Variants in GALNT5 observed in about 807,000 individuals in gnomAD.
GALNT5 encodes polypeptide N-acetylgalactosaminyltransferase 5.
A neutral mutation model predicts 85.4 loss-of-function variants in GALNT5; 72 were observed. The observed-to-expected ratio is 0.84, with a 90% CI of 0.70 to 1.03. The LOEUF is 1.03. Among genes scored for constraint, GALNT5 ranks in the 50% least tolerant of loss-of-function variants. The pLI is 0.00. For missense variants in GALNT5, 1,137 were observed against 1,135.5 expected (o/e 1.00, Z -0.02); for synonymous variants, 404 against 397.0 (o/e 1.02, Z -0.21).
rs772928823 is a variant in GALNT5, at chr2:157,258,570, C to T, written c.488C>T (p.Thr163Met). The change falls in exon 1 of 10, where the codon ACG becomes ATG. Residue 163 changes from threonine (T) to methionine (M), a missense_variant. By Grantham distance (81) the Thr-to-Met change is moderately conservative (BLOSUM62 -1). Transcript: ENST00000259056. ...ASSHQGTPKQ[T>M]TAQGAPKTSF... is the part of the protein sequence containing the mutation. Reference sequence around the variant, plus strand: ...TCTCACCAGGGGACACCAAAGCAAACGACAGCTCAGGGGGCTCCAAAGACC... The same window carrying T: ...TCTCACCAGGGGACACCAAAGCAAATGACAGCTCAGGGGGCTCCAAAGACC... The T allele has an allele frequency of 9.9e-6, 16 of 1,613,144 alleles. No individual in the cohort carries two copies. The highest frequency in any genetic ancestry group is 5.0e-5 in the Admixed American group (3 of 59,892).
At chr2:157,294,415 G>A (rs1251971672) in intron 3 of GALNT5, among the ~76,000 whole-genome samples, 2 of 152,232 alleles carry the variant, frequency 1.3e-5, no homozygotes, top group African/African-American at 2.4e-5. Context: ...AAGGCTAGGA[G>A]TGGGAAAGCA....
chr2:157,301,877 G>A (rs1683350760), intron 7 of GALNT5, among the ~76,000 whole-genome samples: 1 of 152,198 alleles, frequency 6.6e-6, no homozygotes. Context: ...AAGGGAAGAA[G>A]CTAAGCCAGA....
intron 1 of GALNT5, among the ~76,000 whole-genome samples, chr2:157,272,494 A>T (rs1682611971): frequency 6.6e-6 from 1 of 152,148 alleles, no homozygotes; most frequent in Non-Finnish European, 1.5e-5. Context: ...TGAGCATAGT[A>T]CTCAACAGTT....
In GALNT5 at chr2:157,307,420, A is replaced by C. The variant is rs188715763; in HGVS notation, c.2521-1147A>C. Among the ~76,000 whole-genome samples, 215 of 152,338 alleles carry C rather than the reference A, an allele frequency of 1.4e-3. 2 individuals carry two copies. Among genetic ancestry groups the C allele is most frequent in the African/African-American group, 4.9e-3 (203 of 41,586 alleles). On this transcript the variant is annotated intron_variant, in intron 8 of 9. Coordinates refer to ENST00000259056, the MANE Select transcript of GALNT5 (RefSeq NM_014568.3). ...AAGTTTCCTTAGTTATTAACCTTTAAAGCAGTTGAAACGTATTTTTTCAAG... is the reference window on the plus strand; with the variant it reads ...AAGTTTCCTTAGTTATTAACCTTTACAGCAGTTGAAACGTATTTTTTCAAG...
chr2:157,261,996 GAA>G (rs1682351774), intron 1 of GALNT5, among the ~76,000 whole-genome samples: 1 of 151,908 alleles, frequency 6.6e-6, no homozygotes, highest in Non-Finnish European at 1.5e-5. Flanking sequence ...GTGTGTGAAA[GAA>G]AGAGAGAGAG....
intron 1 of GALNT5, among the ~76,000 whole-genome samples, chr2:157,277,894 T>C (rs548428292): frequency 1.3e-5 from 2 of 152,360 alleles, no homozygotes; most frequent in South Asian, 4.1e-4. Flanking sequence ...TGCCCATTAA[T>C]TGATGCAGTT....
chr2:157,317,362 T>C lies in GALNT5; in HGVS notation c.*6014T>C, dbSNP rs149532892. On this transcript the variant is annotated 3_prime_UTR_variant, in exon 10 of 10. Coordinates refer to ENST00000259056, the MANE Select transcript of GALNT5 (RefSeq NM_014568.3). Reference sequence around the variant, plus strand: ...AAGTATCTCAAGTGAACTTACACTCTGGATACCATTTTCCAAACTTGAAGG... The same window carrying C: ...AAGTATCTCAAGTGAACTTACACTCCGGATACCATTTTCCAAACTTGAAGG... Among the ~76,000 whole-genome samples, 122 of 152,202 alleles carry C rather than the reference T, an allele frequency of 8.0e-4. 2 individuals are homozygous for C. The East Asian group carries it at 0.016, about 20-fold the overall frequency.
Position 157,311,207 on chromosome 2 carries a change from G to A in GALNT5, c.2683-1G>A, listed in dbSNP as rs1400840287. On this transcript the variant is annotated splice_acceptor_variant, in intron 9 of 9. Coordinates refer to ENST00000259056, the MANE Select transcript of GALNT5 (RefSeq NM_014568.3). LOFTEE classifies it high-confidence loss of function. ...CATTCCCAGCTCTTCTTTCTCTCCA[G>A]GTGAATCACATTGTTTTTGAAAACA... is the stretch of plus-strand genomic sequence containing the variant. 6.2e-7 allele frequency: 1 copy of A among 1,607,588 alleles called. No individual in the cohort carries two copies. Among genetic ancestry groups the A allele is most frequent in the Non-Finnish European group, 8.5e-7 (1 of 1,176,244 alleles).
chr2:157,300,564 G>A, intron 6 of GALNT5, 112 bp from the exon 7 acceptor site: 2 of 774,602 alleles, frequency 2.6e-6, no homozygotes, highest in South Asian at 1.7e-5. Flanking sequence ...TGTTTTTGAA[G>A]TTGAGTATTA....
At chr2:157,274,878 T>A (rs886620408) in intron 1 of GALNT5, among the ~76,000 whole-genome samples, 1 of 152,236 alleles carries the variant, frequency 6.6e-6, no homozygotes, top group African/African-American at 2.4e-5. Context: ...CCATTGCTTT[T>A]GGTGTTTTAG....
At chr2:157,288,852 G>A (rs759379441) in intron 3 of GALNT5, among the ~76,000 whole-genome samples, 2 of 152,088 alleles carry the variant, frequency 1.3e-5, no homozygotes, top group Admixed American at 6.5e-5. Flanking sequence ...GGGTAAATGG[G>A]AGAAATGGTC....
intron 1 of GALNT5, among the ~76,000 whole-genome samples, chr2:157,264,057 A>C (rs1682405721): frequency 6.6e-6 from 1 of 152,212 alleles, no homozygotes; most frequent in Non-Finnish European, 1.5e-5. Flanking sequence ...CTTGAAATAA[A>C]ATGCTTTTTT....
At position 157,295,750 on chromosome 2, in the gene GALNT5, A is replaced by G. The variant is rs1683200546; in HGVS notation, c.1829A>G (p.Lys610Arg). 1 of 1,610,042 alleles carries G rather than the reference A, an allele frequency of 6.2e-7. No homozygotes were observed. Among genetic ancestry groups the G allele is most frequent in the South Asian group, 1.1e-5 (1 of 90,984 alleles). The change falls in exon 4 of 10, where the codon AAG becomes AGG. Residue 610 changes from lysine to arginine, a missense_variant. Transcript: ENST00000259056. The stretch of plus-strand genomic sequence containing the variant: ...CTGGAAAGAGTTTATTTAAGTAGAA[A>G]GAAAGTGGCCTGTCCAGTAATCGAA... The part of the protein sequence containing the change: ...PLLERVYLSR[K>R]KVACPVIEVI...
At chr2:157,276,905 T>G (rs991083462) in intron 1 of GALNT5, among the ~76,000 whole-genome samples, 4 of 152,196 alleles carry the variant, frequency 2.6e-5, no homozygotes, top group Non-Finnish European at 5.9e-5. Context: ...TCTTTTAATT[T>G]GTGATGTTAG....
chr2:157,275,820 T>C (rs1045671788), intron 1 of GALNT5, among the ~76,000 whole-genome samples: 2 of 152,192 alleles, frequency 1.3e-5, no homozygotes, highest in African/African-American at 4.8e-5. Flanking sequence ...CCTTTATTTC[T>C]TTCTCTTGCC....
intron 5 of GALNT5, among the ~76,000 whole-genome samples, chr2:157,298,482 G>T (rs1299082568): frequency 6.6e-6 from 1 of 152,136 alleles, no homozygotes; most frequent in African/African-American, 2.4e-5. Context: ...CCAATTCACC[G>T]CAGCCTTTCA....
intron 1 of GALNT5, among the ~76,000 whole-genome samples, chr2:157,269,946 C>T (rs41416848): frequency 0.25 from 37,722 of 151,806 alleles, 11,674 homozygotes; most frequent in African/African-American, 0.73. Context: ...CCTTTCTTTT[C>T]AGAACTGATT....
chr2:157,301,149 T>G (rs1425135555), intron 7 of GALNT5, 150 bp downstream of exon 7: 4 of 639,872 alleles, frequency 6.3e-6, no homozygotes, highest in African/African-American at 1.8e-5. Flanking sequence ...GAATTAAATA[T>G]AGGTAAACTT....
chr2:157,302,391 A>G (rs1024579876), intron 7 of GALNT5: 2 of 152,154 alleles, frequency 1.3e-5, no homozygotes, highest in African/African-American at 4.8e-5. Flanking sequence ...AGTTTATGTG[A>G]CCTGTTTTTA....
Sources: gnomAD v4.1 joint callset for allele counts (sites outside exome capture counted in the v4.1 genomes callset) on GRCh38, gnomAD v4.1.1 for gene constraint, MANE v1.5 for transcripts, NCBI Gene and HGNC (gene_info 2026-07-23, HGNC 2026-07-21) for gene names.